Variants in STAT1 observed in about 807,000 individuals in gnomAD.
STAT1 encodes signal transducer and activator of transcription 1-alpha/beta.
Under a neutral mutation model 111.7 loss-of-function variants are expected in STAT1, and 24 were observed. The ratio of observed to expected loss-of-function variants is 0.21; its 90% CI spans 0.16 to 0.30. The LOEUF is 0.30. Among genes scored for constraint, STAT1 ranks in the 10% least tolerant of loss-of-function variants. STAT1 has a pLI of 1.00. For missense variants in STAT1, 351 were observed against 911.9 expected, an observed-to-expected ratio of 0.38 and a Z score of 7.92; for synonymous variants, 332 against 326.5, an observed-to-expected ratio of 1.02 and a Z score of -0.18.
chr2:190,984,163 T>A lies in STAT1; in HGVS notation c.1347+147A>T, dbSNP rs1279535588. ...TTGTCTAGCTTTCTGGACCATAAATTAAGGTTAAGATAGTATTAGCTGAAA... is the reference window on the plus strand; with the variant it reads ...TTGTCTAGCTTTCTGGACCATAAATAAAGGTTAAGATAGTATTAGCTGAAA... On this transcript the variant is annotated intron_variant, in intron 16 of 24. Coordinates refer to ENST00000361099, the MANE Select transcript of STAT1 (RefSeq NM_007315.4). This position sits in a 1 kb window ranked among gnomAD's most constrained non-coding sequence, Gnocchi z 5.2. The A allele has an allele frequency of 1.4e-6, 1 of 700,336 alleles. No homozygotes were observed. The highest frequency in any genetic ancestry group is 2.8e-5 in the East Asian group (1 of 36,168). The allele number at this position is 700,336 out of a possible 1,614,324, so 43.4% of individuals were successfully genotyped here. A position where few individuals can be genotyped will look rare whatever the true frequency, so the allele number is the denominator to read the frequency against.
At chr2:191,002,488 C>T (rs1321250462) in intron 5 of STAT1, among the ~76,000 whole-genome samples, 1 of 152,224 alleles carries the variant, frequency 6.6e-6, no homozygotes, top group Non-Finnish European at 1.5e-5. Flanking sequence ...TGCCTCGCTA[C>T]TCTTGCATGT....
At position 190,975,905 on chromosome 2, in the gene STAT1, G is replaced by T; in HGVS notation, c.2060-18C>A. ...CTCTGGTGCTAGAAATAAACACATTGTGTACGCTTTCCATCAACCGAAATT... is the reference window on the plus strand; with the variant it reads ...CTCTGGTGCTAGAAATAAACACATTTTGTACGCTTTCCATCAACCGAAATT... On this transcript the variant is annotated intron_variant, in intron 22 of 24. Transcript: ENST00000361099. The surrounding 1 kb of genome is among the most constrained non-coding windows in gnomAD (Gnocchi z 5.9). 1 of 1,599,208 alleles carries T rather than the reference G, an allele frequency of 6.3e-7. No homozygotes were observed. Among genetic ancestry groups the T allele is most frequent in the Non-Finnish European group, 8.6e-7 (1 of 1,166,472 alleles).
rs987179256 is a variant in STAT1 at position 190,982,177 on chromosome 2, G to A, written c.1582+206C>T. Among the ~76,000 whole-genome samples the A allele has an allele frequency of 1.3e-5, 2 of 152,084 alleles. No individual in the cohort carries two copies. The highest frequency in any genetic ancestry group is 4.8e-5 in the African/African-American group (2 of 41,404). The stretch of plus-strand genomic sequence containing the variant: ...ATCTTAATATGAGACAATGAGGAAC[G>A]GATTCATTTAAATGTTATCAGGTCT... On this transcript the variant is annotated intron_variant, in intron 18 of 24. Transcript: ENST00000361099. This position sits in a 1 kb window ranked among gnomAD's most constrained non-coding sequence, Gnocchi z 7.3.
intron 5 of STAT1, among the ~76,000 whole-genome samples, chr2:191,002,865 G>T (rs1694380656): frequency 6.6e-6 from 1 of 152,098 alleles, no homozygotes; most frequent in Non-Finnish European, 1.5e-5. Context: ...ATTGAATTCT[G>T]TTAGATCTTT....
Position 190,998,437 on chromosome 2 carries a change from G to C in STAT1, c.542-129C>G, listed in dbSNP as rs1274721055. 1.3e-6 allele frequency: 1 copy of C among 749,728 alleles called. No homozygotes were observed. The highest frequency in any genetic ancestry group is 2.3e-6 in the Non-Finnish European group (1 of 429,584). 46.4% of individuals were successfully genotyped at this position (749,728 alleles called of 1,614,324 possible). ...GACAGGTCAAAGTTTGGCTTTCTTC[G>C]ATCTTTAATGAACATGAAAAAAAGT... On this transcript the variant is annotated intron_variant, in intron 7 of 24. Transcript: ENST00000361099. The surrounding 1 kb of genome is among the most constrained non-coding windows in gnomAD (Gnocchi z 4.1).
chr2:191,011,755 T>C (rs1257865656), intron 2 of STAT1, among the ~76,000 whole-genome samples: 1 of 152,172 alleles, frequency 6.6e-6, no homozygotes, highest in Non-Finnish European at 1.5e-5. Flanking sequence ...CCTGCTTGCA[T>C]CTATTCTCTC....
In STAT1 at chr2:190,993,434, C is replaced by G; in HGVS notation, c.944+1627G>C. The G allele has an allele frequency of 1.4e-6, 2 of 1,410,312 alleles. No homozygotes were observed. The highest frequency in any genetic ancestry group is 1.2e-5 in the South Asian group (1 of 82,672). 87.4% of individuals were successfully genotyped at this position (1,410,312 alleles called of 1,614,324 possible). On this transcript the variant is annotated intron_variant, in intron 10 of 24. Transcript: ENST00000361099. The surrounding 1 kb of genome is among the most constrained non-coding windows in gnomAD (Gnocchi z 4.1). ...TATAGTTCTTATTTTGAAATCCATACCAATTGTGCTGATGTAGCTTTCTGT... is the reference window on the plus strand; with the variant it reads ...TATAGTTCTTATTTTGAAATCCATAGCAATTGTGCTGATGTAGCTTTCTGT...
chr2:191,012,132 G>A lies in STAT1; in HGVS notation c.-2+1393C>T, dbSNP rs1695179099. On this transcript the variant is annotated intron_variant, in intron 2 of 24. Transcript: ENST00000361099. The surrounding 1 kb of genome is among the most constrained non-coding windows in gnomAD (Gnocchi z 4.0). ...AGGTGAATTAATAAGCTCATGTTTG[G>A]GCTGGCCAGGTGGCTCACGCCTGTA... Among the ~76,000 whole-genome samples the A allele has an allele frequency of 6.6e-6, 1 of 151,820 alleles. No homozygotes were observed. Among genetic ancestry groups the A allele is most frequent in the Non-Finnish European group, 1.5e-5 (1 of 67,958 alleles).
rs1693957008 is a variant in STAT1, at chr2:190,997,651, G to A, written c.785+205C>T. Among the ~76,000 whole-genome samples the A allele has an allele frequency of 6.6e-6, 1 of 152,184 alleles. No homozygotes were observed. The highest frequency in any genetic ancestry group is 1.5e-5 in the Non-Finnish European group (1 of 68,044). ...ATGGTACAGGAGTGCTCCAAACCAA[G>A]CAGACGTGGCTGAACGTGGCGAGAG... On this transcript the variant is annotated intron_variant, in intron 9 of 24. Coordinates refer to ENST00000361099, the MANE Select transcript of STAT1 (RefSeq NM_007315.4). This position sits in a 1 kb window ranked among gnomAD's most constrained non-coding sequence, Gnocchi z 7.3.
At position 190,988,496 on chromosome 2, in the gene STAT1, G is replaced by A. The variant is rs148301127; in HGVS notation, c.1097+1119C>T. Among the ~76,000 whole-genome samples, 365 of 152,158 alleles carry A rather than the reference G, an allele frequency of 2.4e-3. 2 individuals are homozygous for A. The highest frequency in any genetic ancestry group is 8.1e-3 in the African/African-American group (336 of 41,514). The stretch of plus-strand genomic sequence containing the variant: ...CAGGTTCAAGCGATTCTCGTGCCTC[G>A]GCCTCCCAAGTAGCTGTGATTACCG... On this transcript the variant is annotated intron_variant, in intron 12 of 24. Transcript: ENST00000361099.
chr2:191,013,088 C>A (rs181287947), intron 2 of STAT1, among the ~76,000 whole-genome samples: 1 of 152,104 alleles, frequency 6.6e-6, no homozygotes, highest in Non-Finnish European at 1.5e-5. Context: ...TTGGACAGTG[C>A]CCTGCATATA....
rs1476894455 is a variant in STAT1 at position 191,003,897 on chromosome 2, C to G, written c.373-2734G>C. Among the ~76,000 whole-genome samples the G allele has an allele frequency of 6.6e-6, 1 of 152,212 alleles. No homozygotes were observed. The highest frequency in any genetic ancestry group is 1.9e-4 in the East Asian group (1 of 5,198). The stretch of plus-strand genomic sequence containing the variant: ...AGGCCACTGGAGAATTCTGACTTCC[C>G]AGGCCTCCTCCCAAATGACCAAGGC... On this transcript the variant is annotated intron_variant, in intron 5 of 24. Transcript: ENST00000361099. The surrounding 1 kb of genome is among the most constrained non-coding windows in gnomAD (Gnocchi z 4.0).
chr2:190,984,523 A>T lies in STAT1; in HGVS notation c.1264-130T>A. The T allele has an allele frequency of 1.4e-6, 1 of 730,200 alleles. No homozygotes were observed. Among genetic ancestry groups the T allele is most frequent in the African/African-American group, 1.8e-5 (1 of 56,820 alleles). The allele number at this position is 730,200 out of a possible 1,614,324, so 45.2% of individuals were successfully genotyped here. A position where few individuals can be genotyped will look rare whatever the true frequency, so the allele number is the denominator to read the frequency against. On this transcript the variant is annotated intron_variant, in intron 15 of 24. Transcript: ENST00000361099. The surrounding 1 kb of genome is among the most constrained non-coding windows in gnomAD (Gnocchi z 5.2). ...AATCAGTGGCAAGTCTGAAGACTCA[A>T]TATTCAATCTCTCCCAGATTTAATG...
chr2:190,988,726 G>A (rs45608535), intron 12 of STAT1, among the ~76,000 whole-genome samples: 44 of 152,244 alleles, frequency 2.9e-4, no homozygotes, highest in African/African-American at 9.2e-4. Context: ...AAAGCTAACC[G>A]ATATACCAAA....
In STAT1 at chr2:190,997,730, G is replaced by A. The variant is rs1282717047; in HGVS notation, c.785+126C>T. Reference sequence around the variant, plus strand: ...AGTGTTTCCAGGGTAAGCAGAAGCTGGACTATGTCAAACTCTATACTAATG... The same window carrying A: ...AGTGTTTCCAGGGTAAGCAGAAGCTAGACTATGTCAAACTCTATACTAATG... On this transcript the variant is annotated intron_variant, in intron 9 of 24. Transcript: ENST00000361099. This position sits in a 1 kb window ranked among gnomAD's most constrained non-coding sequence, Gnocchi z 7.3. The A allele has an allele frequency of 5.6e-6, 8 of 1,418,588 alleles. No homozygotes were observed. In the Admixed American group the frequency reaches 8.9e-5, roughly 16 times the overall value. The allele number at this position is 1,418,588 out of a possible 1,614,324, so 87.9% of individuals were successfully genotyped here.
chr2:191,007,219 AT>A lies in STAT1; in HGVS notation c.372+343del, dbSNP rs1249359249. 6.6e-6 allele frequency among the ~76,000 whole-genome samples: 1 copy of A among 152,182 alleles called. No individual in the cohort carries two copies. Among genetic ancestry groups the A allele is most frequent in the Non-Finnish European group, 1.5e-5 (1 of 68,020 alleles). Reference sequence around the variant, plus strand: ...AAGAACCCTCTATCTGCCTGCTTCCATTCCTGTGCCAGCAACTCAGAGGCCT... The same window carrying A: ...AAGAACCCTCTATCTGCCTGCTTCCATCCTGTGCCAGCAACTCAGAGGCCT... On this transcript the variant is annotated intron_variant, in intron 5 of 24. Transcript: ENST00000361099. The surrounding 1 kb of genome is among the most constrained non-coding windows in gnomAD (Gnocchi z 4.2).
At chr2:191,002,411 A>T (rs1694345006) in intron 5 of STAT1, among the ~76,000 whole-genome samples, 1 of 152,088 alleles carries the variant, frequency 6.6e-6, no homozygotes, top group African/African-American at 2.4e-5. Flanking sequence ...AGGATGTTTG[A>T]CTATAGAGGA....
At position 190,980,589 on chromosome 2, in the gene STAT1, T is replaced by G. The variant is rs1428063822; in HGVS notation, c.1632+31A>C. On this transcript the variant is annotated intron_variant, in intron 19 of 24. Transcript: ENST00000361099. The surrounding 1 kb of genome is among the most constrained non-coding windows in gnomAD (Gnocchi z 6.1). ...AACCTCAACCAAGAGCAAAAAGGAC[T>G]TAGAGAGCATAAAACCCAGACAGTC... The G allele has an allele frequency of 1.2e-6, 2 of 1,611,876 alleles. No individual in the cohort carries two copies. The highest frequency in any genetic ancestry group is 1.7e-6 in the Non-Finnish European group (2 of 1,178,096).
At position 191,004,461 on chromosome 2, in the gene STAT1, G is replaced by C. The variant is rs1440866161; in HGVS notation, c.372+3102C>G. 6.6e-6 allele frequency among the ~76,000 whole-genome samples: 1 copy of C among 152,126 alleles called. No homozygotes were observed. The highest frequency in any genetic ancestry group is 2.4e-5 in the African/African-American group (1 of 41,418). ...TGGAGTGAGCAGTTGTCCAAGTAAG[G>C]GAATAGGCACTCCATGGGTGTGAGA... On this transcript the variant is annotated intron_variant, in intron 5 of 24. Coordinates refer to ENST00000361099, the MANE Select transcript of STAT1 (RefSeq NM_007315.4). This position sits in a 1 kb window ranked among gnomAD's most constrained non-coding sequence, Gnocchi z 5.0.
Sources: gnomAD v4.1 joint callset for allele counts (sites outside exome capture counted in the v4.1 genomes callset) on GRCh38, gnomAD v4.1.1 for gene constraint, Gnocchi (gnomAD v3.1) non-coding constraint, MANE v1.5 for transcripts, NCBI Gene and HGNC (gene_info 2026-07-23, HGNC 2026-07-21) for gene names.